TTN: variants seen among roughly 807,000 people sequenced by gnomAD.
TTN encodes the protein titin.
A neutral mutation model predicts 3,223.0 loss-of-function variants in TTN; 1,525 were observed. The observed-to-expected ratio is 0.47, with a 90% CI of 0.45 to 0.49. The LOEUF (loss-of-function observed/expected upper bound fraction) is 0.49, where lower values mean the gene tolerates loss of function less well. Ranked by LOEUF, TTN falls within the 20% of genes least tolerant of loss-of-function variation. TTN has a pLI of 0.00. For synonymous variants in TTN, 14,094 were observed against 15,161.0 expected (o/e 0.93, Z 5.17); for missense variants, 40,786 against 43,424.0 (o/e 0.94, Z 5.40).
chr2:178,615,440 C>T lies in TTN; in HGVS notation c.48505G>A (p.Ala16169Thr). Residue 16169 changes from alanine (A) to threonine (T), a missense_variant, in exon 259 of 363, where the codon GCC (alanine) becomes ACC (threonine). By Grantham distance (58) the Ala-to-Thr change is moderately conservative. Coordinates refer to ENST00000589042, the MANE Select transcript of TTN (RefSeq NM_001267550.2). The part of the protein sequence containing the change: ...PENVKWRDRT[A>T]NSIFLTWDPP... ...TCCCATGTTAAGAAGATGCTATTGG[C>T]TGTTCGATCTCTCCATTTAACATTC... 6.2e-7 allele frequency: 1 copy of T among 1,612,404 alleles called. No individual in the cohort carries two copies. Among genetic ancestry groups the T allele is most frequent in the Non-Finnish European group, 8.5e-7 (1 of 1,178,928 alleles).
chr2:178,560,614 C>G lies in TTN; in HGVS notation c.85518G>C (p.Gln28506His), dbSNP rs1387892169. 1 of 1,613,540 alleles carries G rather than the reference C, an allele frequency of 6.2e-7. No individual in the cohort carries two copies. Among genetic ancestry groups the G allele is most frequent in the East Asian group, 2.2e-5 (1 of 44,756 alleles). The change falls in exon 326 of 363, where the codon CAG (glutamine) becomes CAC (histidine). Residue 28506 changes from glutamine to histidine, a missense_variant. Gln to His is a conservative substitution (Grantham distance 24, BLOSUM62 0). Transcript: ENST00000589042. Reference sequence around the variant, plus strand: ...ACTTGGTTACTTTACAGGATGTCATCTGTAACTCTCCTTCACATATTGTCC... The same window carrying G: ...ACTTGGTTACTTTACAGGATGTCATGTGTAACTCTCCTTCACATATTGTCC... ...LAWTICEGEL[Q>H]MTSCKVTKLL...
chr2:178,579,113 C>T lies in TTN; in HGVS notation c.67917G>A (p.Lys22639=), dbSNP rs772213947. ...AGTKEGTISI[K]VVGKPGIPTG... is the part of the protein sequence containing the mutation. ...TGGGGATGCCAGGCTTGCCAACAAC[C>T]TTTATGGAGATAGTTCCTTCCTTGG... The change falls in exon 320 of 363, where the codon AAG becomes AAA. Residue 22639 remains lysine (K), a synonymous_variant. Coordinates refer to ENST00000589042, the MANE Select transcript of TTN (RefSeq NM_001267550.2). 2 of 1,613,362 alleles carry T rather than the reference C, an allele frequency of 1.2e-6. No individual in the cohort carries two copies. Among genetic ancestry groups the T allele is most frequent in the Non-Finnish European group, 1.7e-6 (2 of 1,179,574 alleles).
Position 178,575,731 on chromosome 2 carries a change from T to C in TTN, c.70401A>G (p.Ile23467Met). 1 of 1,613,548 alleles carries C rather than the reference T, an allele frequency of 6.2e-7. No homozygotes were observed. ...CACGTTTCTCTACAATGTAGTTTGT[T>C]ATACGTGAGCCTCCATCTATCAGAG... Reference protein sequence around the residue: ...DLPLIDGGSRITNYIVEKREA... With the variant: ...DLPLIDGGSRMTNYIVEKREA... Residue 23467 changes from isoleucine (I) to methionine (M), a missense_variant, in exon 326 of 363, where the codon ATA (isoleucine) becomes ATG (methionine). By Grantham distance (10) the Ile-to-Met change is conservative. Transcript: ENST00000589042. The surrounding 1 kb of genome is among the most constrained non-coding windows in gnomAD (Gnocchi z 4.0).
intron 47 of TTN, chr2:178,751,573 A>G (rs1267928046): frequency 4.3e-6 from 7 of 1,613,036 alleles, no homozygotes; most frequent in African/African-American, 1.3e-5. Context: ...CTCTTTTCAG[A>G]AATTCTAAAT....
rs1306772317 is a variant in TTN at position 178,694,878 on chromosome 2, A to G, written c.31299T>C (p.Ile10433=). Residue 10433 remains isoleucine, a synonymous_variant, in exon 116 of 363, where the codon ATT becomes ATC. Transcript: ENST00000589042. ...CCTCCATTCTTCGAGAAGTCTTTTC[A>G]ATTTTTTCAATTACTGGCTTCTTTA... ...KVIKKPVIEK[I]EKTSRRMEEE... is the part of the protein sequence containing the mutation. 1 of 1,557,402 alleles carries G rather than the reference A, an allele frequency of 6.4e-7. No homozygotes were observed. Among genetic ancestry groups the G allele is most frequent in the Non-Finnish European group, 8.7e-7 (1 of 1,149,218 alleles).
chr2:178,717,724 T>G lies in TTN; in HGVS notation c.25150A>C (p.Asn8384His). ...GACACTTGAAGAGGTTCTGAGCCAT[T>G]GATGCGGCATTCAAATGCAACTGGG... ...GFPVAFECRINGSEPLQVSWY... is the reference protein window; with the variant it reads ...GFPVAFECRIHGSEPLQVSWY... Residue 8384 changes from asparagine (N) to histidine (H), a missense_variant, in exon 87 of 363, where the codon AAT becomes CAT. Transcript: ENST00000589042. 1.9e-6 allele frequency: 3 copies of G among 1,613,396 alleles called. No individual in the cohort carries two copies. The highest frequency in any genetic ancestry group is 2.5e-6 in the Non-Finnish European group (3 of 1,179,584).
chr2:178,789,926 C>T, intron 12 of TTN, 52 bp downstream of exon 12: 2 of 1,607,738 alleles, frequency 1.2e-6, no homozygotes, highest in African/African-American at 2.7e-5. Flanking sequence ...TAATAGTTTA[C>T]TAGAAATTAG....
In TTN at chr2:178,795,190, A is replaced by G; in HGVS notation, c.977T>C (p.Leu326Pro). The G allele has an allele frequency of 6.2e-7, 1 of 1,614,144 alleles. No homozygotes were observed. Among genetic ancestry groups the G allele is most frequent in the Non-Finnish European group, 8.5e-7 (1 of 1,180,008 alleles). The change falls in exon 7 of 363, where the codon CTC becomes CCC. Residue 326 changes from leucine (L) to proline (P), a missense_variant. Coordinates refer to ENST00000589042, the MANE Select transcript of TTN (RefSeq NM_001267550.2). ...SPIRSVRSPL[L>P]MRKTQASTVA... is the part of the protein sequence containing the mutation. ...GGTGGATGCCTGAGTCTTACGCATGAGCAATGGAGACCTAACAGACCTGAT... is the reference window on the plus strand; with the variant it reads ...GGTGGATGCCTGAGTCTTACGCATGGGCAATGGAGACCTAACAGACCTGAT...
At chr2:178,792,436 CA>C (rs1238281481) in intron 9 of TTN, among the ~76,000 whole-genome samples, 5 of 152,124 alleles carry the variant, frequency 3.3e-5, no homozygotes, top group African/African-American at 1.2e-4. Context: ...TTGTTTTGAA[CA>C]GCAGAATTGT....
At chr2:178,734,070 G>C (rs944897063) in intron 52 of TTN, among the ~76,000 whole-genome samples, 178 bp from the exon 53 acceptor site, 6 of 152,058 alleles carry the variant, frequency 3.9e-5, no homozygotes, top group Admixed American at 2.0e-4. Context: ...AAGAGACAGA[G>C]GCATAGATGA....
intron 156 of TTN, among the ~76,000 whole-genome samples, chr2:178,670,665 T>C (rs2066815836): frequency 6.6e-6 from 1 of 151,976 alleles, no homozygotes; most frequent in Non-Finnish European, 1.5e-5. Flanking sequence ...ACTGTTTTTA[T>C]TTCTATTGTG....
At chr2:178,749,234 A>T in intron 47 of TTN, 1 of 1,611,662 alleles carries the variant, frequency 6.2e-7, no homozygotes, top group Middle Eastern at 1.7e-4. Flanking sequence ...CTTAATAGTG[A>T]CATCACTGAA....
In TTN at chr2:178,614,099, A is replaced by G; in HGVS notation, c.49298T>C (p.Val16433Ala). The G allele has an allele frequency of 6.2e-7, 1 of 1,612,510 alleles. No individual in the cohort carries two copies. Among genetic ancestry groups the G allele is most frequent in the African/African-American group, 1.3e-5 (1 of 74,926 alleles). The change falls in exon 262 of 363, where the codon GTT (valine) becomes GCT (alanine). Residue 16433 changes from valine to alanine, a missense_variant. Physicochemically the swap from Val to Ala is moderately conservative, Grantham distance 64. Transcript: ENST00000589042. ...FRVAAENMYG[V>A]GEPVQASPIT... Reference sequence around the variant, plus strand: ...TGGAGAGGCCTGAACTGGTTCACCAACACCATACATGTTTTCTGCAGCAAC... The same window carrying G: ...TGGAGAGGCCTGAACTGGTTCACCAGCACCATACATGTTTTCTGCAGCAAC...
In TTN at chr2:178,795,167, T is replaced by C. The variant is rs966594851; in HGVS notation, c.1000A>G (p.Thr334Ala). The change falls in exon 7 of 363, where the codon ACC becomes GCC. Residue 334 changes from threonine to alanine, a missense_variant. By Grantham distance (58) the Thr-to-Ala change is moderately conservative. Coordinates refer to ENST00000589042, the MANE Select transcript of TTN (RefSeq NM_001267550.2). ...GGCACTTCAGGACCTGTGGCCACGG[T>C]GGATGCCTGAGTCTTACGCATGAGC... ...PLLMRKTQAS[T>A]VATGPEVPPP... 4 of 1,614,106 alleles carry C rather than the reference T, an allele frequency of 2.5e-6. No homozygotes were observed. Among genetic ancestry groups the C allele is most frequent in the Non-Finnish European group, 3.4e-6 (4 of 1,180,002 alleles).
chr2:178,712,239 T>C lies in TTN; in HGVS notation c.27608-17A>G, dbSNP rs1308718630. 1.2e-6 allele frequency: 2 copies of C among 1,611,054 alleles called. No individual in the cohort carries two copies. Among genetic ancestry groups the C allele is most frequent in the East Asian group, 2.2e-5 (1 of 44,844 alleles). On this transcript the variant is annotated splice_polypyrimidine_tract_variant and intron_variant, in intron 95 of 362. Transcript: ENST00000589042. ...ACGGTGGTTCTGCAGCCAAGAGAGATAATCAATCAGTCATGAAGGAGACAT... is the reference window on the plus strand; with the variant it reads ...ACGGTGGTTCTGCAGCCAAGAGAGACAATCAATCAGTCATGAAGGAGACAT...
chr2:178,689,911 A>G lies in TTN; in HGVS notation c.31763-15T>C. ...CACCTCTGGGACTTAAAGTTTTTGA[A>G]ACACAATGTTAGTTCAGACATATAT... On this transcript the variant is annotated splice_polypyrimidine_tract_variant and intron_variant, in intron 121 of 362. Transcript: ENST00000589042. The G allele has an allele frequency of 6.2e-7, 1 of 1,607,386 alleles. No homozygotes were observed. Among genetic ancestry groups the G allele is most frequent in the South Asian group, 1.1e-5 (1 of 90,580 alleles).
chr2:178,599,399 TG>T lies in TTN; in HGVS notation c.56393del (p.Ser18798Ter). The T allele has an allele frequency of 6.4e-7, 1 of 1,568,364 alleles. No homozygotes were observed. The highest frequency in any genetic ancestry group is 1.2e-5 in the South Asian group (1 of 82,232). ...ACCAAGATAGTGTCATTTGATCTGCTGAAACAGATTCAAATTTTATGGGTCC... is the reference window on the plus strand; with the variant it reads ...ACCAAGATAGTGTCATTTGATCTGCTAAACAGATTCAAATTTTATGGGTCC... ...PVGPIKFESV[S>X]ADQMTLSWFP... is the part of the protein sequence containing the mutation. On this transcript the variant is annotated frameshift_variant, in exon 290 of 363. Transcript: ENST00000589042. LOFTEE classifies it high-confidence loss of function.
intron 16 of TTN, 125 bp downstream of exon 16, chr2:178,783,938 TAAAAATC>T: frequency 6.9e-7 from 1 of 1,454,644 alleles, no homozygotes; most frequent in East Asian, 2.3e-5. Context: ...CTATGCTCCA[TAAAAATC>T]AAGTCTTAGT....
rs766745730 is a variant in TTN, at chr2:178,727,084, G to A, written c.20275+6C>T. On this transcript the variant is annotated splice_donor_region_variant and intron_variant, in intron 69 of 362. Transcript: ENST00000589042. ...TTAATGAGAAACACAAGAACAAGAT[G>A]TCTACCTTTTACTATAACCTTGGTA... 8.0e-6 allele frequency: 12 copies of A among 1,496,648 alleles called. No homozygotes were observed. In the South Asian group the frequency reaches 1.1e-4, roughly 13 times the overall value. The allele number at this position is 1,496,648 out of a possible 1,614,324, so 92.7% of individuals were successfully genotyped here.
Sources: allele counts gnomAD v4.1 joint callset (sites outside exome capture counted in the v4.1 genomes callset), GRCh38; gene constraint gnomAD v4.1.1; non-coding constraint Gnocchi (gnomAD v3.1); transcripts MANE v1.5; gene names NCBI Gene and HGNC (gene_info 2026-07-23, HGNC 2026-07-21).